Variants in GCA observed in about 807,000 individuals in gnomAD.
GCA encodes the protein grancalcin.
In GCA, 30 loss-of-function variants were observed where a neutral mutation model predicts 32.6. That is an observed-to-expected ratio of 0.92 (90% CI 0.69 to 1.25). The LOEUF is 1.25. Among genes scored for constraint, GCA ranks in the 50% most tolerant of loss-of-function variants. GCA has a pLI of 0.00. For missense variants in GCA, 291 were observed against 266.8 expected, an observed-to-expected ratio of 1.09 and a Z score of -0.63; for synonymous variants, 102 against 84.6, an observed-to-expected ratio of 1.21 and a Z score of -1.13.
intron 6 of GCA, 23 bp downstream of exon 6, chr2:162,359,180 T>C: frequency 7.9e-7 from 1 of 1,266,528 alleles, no homozygotes; most frequent in Non-Finnish European, 1.2e-6. Flanking sequence ...TAAAACTAAG[T>C]GCACAGTGTT....
chr2:162,357,072 C>T, intron 5 of GCA, 167 bp downstream of exon 5: 1 of 477,822 alleles, frequency 2.1e-6, no homozygotes, highest in Non-Finnish European at 3.7e-6. Flanking sequence ...AAGACCTCAA[C>T]AAAACCATTT....
intron 1 of GCA, chr2:162,344,626 G>A: frequency 2.6e-6 from 1 of 390,376 alleles, no homozygotes; most frequent in East Asian, 4.5e-5. Context: ...CCCACTCAGT[G>A]TTGCTAGAGA....
chr2:162,367,621 TAAG>T (rs1292104374), downstream of GCA, among the ~76,000 whole-genome samples: 1 of 152,000 alleles, frequency 6.6e-6, no homozygotes, highest in Non-Finnish European at 1.5e-5. Flanking sequence ...AAAATACAAT[TAAG>T]AGAGATAAAA....
chr2:162,371,865 A>T, downstream of GCA: 2 of 1,612,816 alleles, frequency 1.2e-6, no homozygotes, highest in Non-Finnish European at 1.7e-6. Flanking sequence ...AAACATGCCT[A>T]TGAAGACCCA....
intron 1 of GCA, among the ~76,000 whole-genome samples, chr2:162,333,716 AAAAT>A (rs1163043718): frequency 1.3e-5 from 2 of 152,184 alleles, no homozygotes; most frequent in East Asian, 3.8e-4. Flanking sequence ...TTAATAGAGA[AAAAT>A]AAATAAGGCA....
intron 4 of GCA, among the ~76,000 whole-genome samples, chr2:162,370,263 T>A (rs1396309453): frequency 6.6e-6 from 1 of 152,146 alleles, no homozygotes; most frequent in Admixed American, 6.6e-5. Context: ...GATAAAATGT[T>A]CTTAATGGAC....
chr2:162,332,262 T>G (rs1298687088), intron 1 of GCA, among the ~76,000 whole-genome samples: 2 of 140,650 alleles, frequency 1.4e-5, no homozygotes, highest in Non-Finnish European at 3.0e-5. Context: ...TGAGCCAAGA[T>G]CGCATCACTG....
At chr2:162,347,967 C>T (rs1373753227) in intron 2 of GCA, among the ~76,000 whole-genome samples, 1 of 152,056 alleles carries the variant, frequency 6.6e-6, no homozygotes, top group Non-Finnish European at 1.5e-5. Context: ...AAAGAGGAAA[C>T]ATTGTTTTCC....
intron 1 of GCA, among the ~76,000 whole-genome samples, chr2:162,335,461 C>A (rs1299207508): frequency 6.6e-6 from 1 of 151,048 alleles, no homozygotes; most frequent in African/African-American, 2.4e-5. Context: ...GTGGAGATTC[C>A]CTGTAGCTAT....
At chr2:162,329,322 T>C (rs1683994453) in intron 1 of GCA, among the ~76,000 whole-genome samples, 1 of 152,196 alleles carries the variant, frequency 6.6e-6, no homozygotes, top group African/African-American at 2.4e-5. Context: ...GAAAAAGTCT[T>C]AAAGTAAGAG....
chr2:162,332,418 C>G (rs985954887), intron 1 of GCA, among the ~76,000 whole-genome samples: 1 of 148,780 alleles, frequency 6.7e-6, no homozygotes, highest in African/African-American at 2.5e-5. Context: ...ATGGCAGTAG[C>G]CCCCTGGACA....
intron 1 of GCA, among the ~76,000 whole-genome samples, chr2:162,328,249 G>A (rs889811545): frequency 4.7e-5 from 7 of 149,558 alleles, no homozygotes; most frequent in South Asian, 2.1e-4. Context: ...AAAATTAGCC[G>A]AGAATGGTGG....
downstream of GCA, chr2:162,372,060 A>G (rs1196927130): frequency 6.2e-7 from 1 of 1,613,178 alleles, no homozygotes; most frequent in Non-Finnish European, 8.5e-7. Context: ...CTTTGGATTT[A>G]AGTTTAGATT....
At chr2:162,344,641 CTT>C (rs1421268801) in intron 1 of GCA, 3 of 338,796 alleles carry the variant, frequency 8.9e-6, no homozygotes, top group Non-Finnish European at 1.6e-5. Context: ...TAGAGATCCT[CTT>C]TTTGAATTTC....
chr2:162,360,793 C>T lies in GCA; in HGVS notation c.*550C>T, dbSNP rs1025068568. ...TGTCTGTGAAGAAGAAAATTATCTC[C>T]CTAGTTCAATCTGTAGTGAAATAAG... On this transcript the variant is annotated 3_prime_UTR_variant, in exon 8 of 8. Transcript: ENST00000437150. 24 of 1,332,708 alleles carry T rather than the reference C, an allele frequency of 1.8e-5. No individual in the cohort carries two copies. The highest frequency in any genetic ancestry group is 2.2e-5 in the Non-Finnish European group (23 of 1,032,580). The allele number at this position is 1,332,708 out of a possible 1,614,324, so 82.6% of individuals were successfully genotyped here. A position where few individuals can be genotyped will look rare whatever the true frequency, so the allele number is the denominator to read the frequency against.
intron 1 of GCA, among the ~76,000 whole-genome samples, chr2:162,345,118 TGG>T (rs1684624033): frequency 7.2e-6 from 1 of 138,584 alleles, no homozygotes; most frequent in Admixed American, 7.2e-5. Flanking sequence ...GTGGTGGTGG[TGG>T]TGGTGGTGGT....
chr2:162,336,087 TTTAA>T (rs1453119898), intron 1 of GCA, among the ~76,000 whole-genome samples: 8 of 152,212 alleles, frequency 5.3e-5, no homozygotes, highest in Non-Finnish European at 1.2e-4. Context: ...AATATCAAAA[TTTAA>T]GAACTGAATA....
chr2:162,360,328 G>GTTT lies in GCA; in HGVS notation c.*87_*89dup, dbSNP rs1421845634. On this transcript the variant is annotated 3_prime_UTR_variant, in exon 8 of 8. Transcript: ENST00000437150. ...CTGGACTACTTTAAAACTTTTAAGG[G>GTTT]TTTTCTATGTTCTTCCTACCTGTTA... is the stretch of plus-strand genomic sequence containing the variant. 6.6e-7 allele frequency: 1 copy of GTTT among 1,522,196 alleles called. No individual in the cohort carries two copies. The highest frequency in any genetic ancestry group is 8.8e-7 in the Non-Finnish European group (1 of 1,138,604). 94.3% of individuals were successfully genotyped at this position (1,522,196 alleles called of 1,614,324 possible). A position where few individuals can be genotyped will look rare whatever the true frequency, so the allele number is the denominator to read the frequency against.
At chr2:162,359,829 AACC>A in intron 7 of GCA, among the ~76,000 whole-genome samples, 1 of 151,240 alleles carries the variant, frequency 6.6e-6, no homozygotes, top group South Asian at 2.1e-4. Flanking sequence ...TAAGGGCCAA[AACC>A]ACCATTATTT....
Sources: allele counts gnomAD v4.1 joint callset (sites outside exome capture counted in the v4.1 genomes callset), GRCh38; gene constraint gnomAD v4.1.1; transcripts MANE v1.5; gene names NCBI Gene and HGNC (gene_info 2026-07-23, HGNC 2026-07-21).